ITGAE: variants seen among roughly 807,000 people sequenced by gnomAD.
ITGAE encodes integrin alpha-E.
ITGAE carries 99 observed loss-of-function variants against 136.5 expected under a neutral mutation model. That is an observed-to-expected ratio of 0.73 (90% CI 0.62 to 0.86). The LOEUF (loss-of-function observed/expected upper bound fraction) is 0.86. Among genes scored for constraint, ITGAE ranks in the 40% least tolerant of loss-of-function variants. The probability of loss-of-function intolerance (pLI) is 0.00; values close to 1 mark genes in which losing one functional copy is unlikely to be tolerated. For missense variants in ITGAE, 1,447 were observed against 1,515.3 expected (o/e 0.95, Z 0.75); for synonymous variants, 613 against 591.8 (o/e 1.04, Z -0.52).
At chr17:3,792,344 A>T (rs111802544) in intron 1 of ITGAE, among the ~76,000 whole-genome samples, 3,718 of 151,376 alleles carry the variant, frequency 0.025, 136 homozygotes, top group African/African-American at 0.084. Context: ...CTGGTATTGA[A>T]CTCCTCAGGT....
rs915967609 is a variant in ITGAE, at chr17:3,725,590, G to A, written c.3085-1846C>T. 8.1e-6 allele frequency: 13 copies of A among 1,613,996 alleles called. No homozygotes were observed. The highest frequency in any genetic ancestry group is 6.7e-5 in the African/African-American group (5 of 74,936). ...CTCTTATCCGGTGAAGTGTGCAACC[G>A]CACAGAAGGCTTTATCGGGCTGAAC... On this transcript the variant is annotated intron_variant, in intron 26 of 30. Transcript: ENST00000263087.
At chr17:3,800,054 A>G (rs780472491) in intron 1 of ITGAE, among the ~76,000 whole-genome samples, 3 of 152,212 alleles carry the variant, frequency 2.0e-5, no homozygotes, top group African/African-American at 4.8e-5. Context: ...GGGAGGCAGA[A>G]GTTATGGTGA....
chr17:3,795,987 A>ATG (rs1555528578), intron 1 of ITGAE, among the ~76,000 whole-genome samples: 2 of 25,604 alleles, frequency 7.8e-5, no homozygotes, highest in Non-Finnish European at 1.4e-4. Flanking sequence ...CCGTGTGTGC[A>ATG]TCTGTGTGTG....
At chr17:3,723,860 C>T in intron 26 of ITGAE, 116 bp from the exon 27 acceptor site, 4 of 1,519,808 alleles carry the variant, frequency 2.6e-6, no homozygotes, top group Non-Finnish European at 3.5e-6. Flanking sequence ...GCTAGGACCC[C>T]GCGGCAGGCG....
chr17:3,720,584 C>CTTTT, intron 28 of ITGAE, 182 bp from the exon 29 acceptor site: 2 of 321,040 alleles, frequency 6.2e-6, no homozygotes, highest in African/African-American at 2.4e-5. Context: ...CTTCAACTTC[C>CTTTT]TTTTTTTTTT....
chr17:3,716,036 A>G (rs1011337641), intron 30 of ITGAE, among the ~76,000 whole-genome samples: 1 of 152,040 alleles, frequency 6.6e-6, no homozygotes, highest in African/African-American at 2.4e-5. Context: ...ACATTCCTGT[A>G]ATCCCAGCTA....
chr17:3,725,634 G>T, intron 26 of ITGAE: 1 of 1,608,576 alleles, frequency 6.2e-7, no homozygotes, highest in Non-Finnish European at 8.5e-7. Flanking sequence ...CTGTGTCCAG[G>T]GATCTTACCC....
At chr17:3,734,647 G>T (rs182196980) in intron 21 of ITGAE, among the ~76,000 whole-genome samples, 170 bp downstream of exon 21, 56 of 152,330 alleles carry the variant, frequency 3.7e-4, no homozygotes, top group African/African-American at 1.3e-3. Flanking sequence ...GGTGCCTCGG[G>T]AGGCATGGAG....
At chr17:3,753,490 C>A (rs2051922490) in intron 13 of ITGAE, 60 bp from the exon 14 acceptor site, 1 of 1,576,820 alleles carries the variant, frequency 6.3e-7, no homozygotes, top group South Asian at 1.1e-5. Flanking sequence ...CTCAGCAAGG[C>A]TACACCCCTG....
intron 1 of ITGAE, among the ~76,000 whole-genome samples, chr17:3,796,385 T>C (rs2053104811): frequency 6.6e-6 from 1 of 152,132 alleles, no homozygotes; most frequent in Non-Finnish European, 1.5e-5. Flanking sequence ...CAGCATTGTC[T>C]TGGTAGATGG....
chr17:3,731,253 T>G (rs2051335628), intron 22 of ITGAE, 70 bp from the exon 23 acceptor site: 1 of 1,158,784 alleles, frequency 8.6e-7, no homozygotes, highest in African/African-American at 1.5e-5. Flanking sequence ...CGCTAGCTAC[T>G]CGTGGAACAG....
At chr17:3,791,615 T>A (rs2052942800) in intron 1 of ITGAE, among the ~76,000 whole-genome samples, 1 of 152,140 alleles carries the variant, frequency 6.6e-6, no homozygotes, top group Non-Finnish European at 1.5e-5. Context: ...AATGTCCATG[T>A]TTTTTGGGAG....
chr17:3,745,693 A>G (rs2051695599), intron 18 of ITGAE, 71 bp downstream of exon 18: 1 of 1,449,914 alleles, frequency 6.9e-7, no homozygotes, highest in Non-Finnish European at 9.6e-7. Flanking sequence ...TGTGCCCTTC[A>G]CTGCATCACC....
chr17:3,773,786 G>A (rs895043350), intron 2 of ITGAE, among the ~76,000 whole-genome samples: 4 of 152,082 alleles, frequency 2.6e-5, no homozygotes, highest in Non-Finnish European at 5.9e-5. Context: ...CCCTCTGATC[G>A]TGCCTGGTTC....
chr17:3,761,181 TA>T lies in ITGAE; in HGVS notation c.434-5del. 1 of 1,511,840 alleles carries T rather than the reference TA, an allele frequency of 6.6e-7. No homozygotes were observed. 93.7% of individuals were successfully genotyped at this position (1,511,840 alleles called of 1,614,324 possible). A position where few individuals can be genotyped will look rare whatever the true frequency, so the allele number is the denominator to read the frequency against. On this transcript the variant is annotated splice_polypyrimidine_tract_variant and splice_region_variant and intron_variant, in intron 5 of 30. Transcript: ENST00000263087. ...GCATCTGGATCCAGGAGATTTTCTT[TA>T]AAAACACACATGGAAGAGCTCAGAG... is the stretch of plus-strand genomic sequence containing the variant.
chr17:3,769,303 C>T (rs1037028287), intron 2 of ITGAE, among the ~76,000 whole-genome samples: 1 of 152,198 alleles, frequency 6.6e-6, no homozygotes, highest in Non-Finnish European at 1.5e-5. Flanking sequence ...TGATCCCCTC[C>T]AGGCCCTGCA....
intron 1 of ITGAE, among the ~76,000 whole-genome samples, chr17:3,793,183 G>T (rs1020346718): frequency 4.6e-5 from 7 of 152,036 alleles, no homozygotes; most frequent in African/African-American, 1.7e-4. Context: ...CTCCTGAGTA[G>T]CTGGGAAAAC....
Position 3,761,978 on chromosome 17 carries a change from A to G in ITGAE, c.252T>C (p.His84=). The stretch of plus-strand genomic sequence containing the variant: ...GGTGCCTCCCCTTGGGGATGGGGAC[A>G]TGCTCTGAAAAAGTTAAGCCCAGGT... ...QDEILCHPVE[H]VPIPKGRHRG... Residue 84 remains histidine, a synonymous_variant, in exon 4 of 31, where the codon CAT becomes CAC. Transcript: ENST00000263087. The G allele has an allele frequency of 6.2e-7, 1 of 1,613,678 alleles. No homozygotes were observed. Among genetic ancestry groups the G allele is most frequent in the Non-Finnish European group, 8.5e-7 (1 of 1,179,856 alleles).
intron 1 of ITGAE, among the ~76,000 whole-genome samples, chr17:3,795,836 CAT>C (rs1373187706): frequency 7.5e-6 from 1 of 134,032 alleles, no homozygotes; most frequent in African/African-American, 3.0e-5. Flanking sequence ...CCTGTGTGTG[CAT>C]GTGTGCATCT....
Sources: allele counts gnomAD v4.1 joint callset (sites outside exome capture counted in the v4.1 genomes callset), GRCh38; gene constraint gnomAD v4.1.1; transcripts MANE v1.5; gene names NCBI Gene and HGNC (gene_info 2026-07-23, HGNC 2026-07-21).